Variants in ADAMTSL1 observed in about 807,000 individuals in gnomAD.
ADAMTSL1 encodes ADAMTS like 1.
A neutral mutation model predicts 201.8 loss-of-function variants in ADAMTSL1; 126 were observed. The observed-to-expected ratio is 0.62, with a 90% confidence interval of 0.54 to 0.72. ADAMTSL1 has a LOEUF of 0.72. Among genes scored for constraint, ADAMTSL1 ranks in the 30% least tolerant of loss-of-function variants. The pLI, the probability that ADAMTSL1 is intolerant of heterozygous loss-of-function variation, is 0.00. For synonymous variants in ADAMTSL1, 1,121 were observed against 903.4 expected, an observed-to-expected ratio of 1.24 and a Z score of -4.32; for missense variants, 2,679 against 2,277.8, an observed-to-expected ratio of 1.18 and a Z score of -3.59.
intron 7 of ADAMTSL1, among the ~76,000 whole-genome samples, chr9:18,641,051 A>G (rs1564110203): frequency 6.6e-6 from 1 of 151,830 alleles, no homozygotes; most frequent in East Asian, 1.9e-4. Context: ...CTCACCTTTG[A>G]CTTTTCCCCT....
intron 2 of ADAMTSL1, among the ~76,000 whole-genome samples, chr9:18,317,443 C>G (rs1053480039): frequency 6.6e-6 from 1 of 152,018 alleles, no homozygotes. Flanking sequence ...CAAATTTTAA[C>G]TAAGTTTGGT....
chr9:17,914,319 C>T (rs1826002278), intron 1 of ADAMTSL1, among the ~76,000 whole-genome samples: 2 of 152,062 alleles, frequency 1.3e-5, no homozygotes, highest in Non-Finnish European at 2.9e-5. Flanking sequence ...AAAGCTTATC[C>T]ACCATGATCA....
intron 2 of ADAMTSL1, among the ~76,000 whole-genome samples, chr9:18,398,826 GTTCA>G (rs1185498265): frequency 6.6e-6 from 1 of 152,074 alleles, no homozygotes; most frequent in Non-Finnish European, 1.5e-5. Context: ...TCAATAAAAA[GTTCA>G]TTCATTTATT....
At chr9:17,929,438 C>T (rs1826690160) in intron 1 of ADAMTSL1, among the ~76,000 whole-genome samples, 1 of 152,098 alleles carries the variant, frequency 6.6e-6, no homozygotes. Context: ...AGAATGCATG[C>T]TTCCGAATAA....
At chr9:18,413,580 A>G (rs560193374) in intron 2 of ADAMTSL1, among the ~76,000 whole-genome samples, 15 of 152,338 alleles carry the variant, frequency 9.8e-5, no homozygotes, top group African/African-American at 1.4e-4. Flanking sequence ...AATATTTTCC[A>G]TAGCATTTTA....
chr9:18,235,371 T>C lies in ADAMTSL1; in HGVS notation c.207+71390T>C, dbSNP rs369662328. Among the ~76,000 whole-genome samples, 5 of 152,204 alleles carry C rather than the reference T, an allele frequency of 3.3e-5. No homozygotes were observed. The East Asian group carries it at 9.6e-4, about 29-fold the overall frequency. ...TCACATCAAAGGTACCTGCTATCAATACGACTCATCATAGATGATGTCAAG... is the reference window on the plus strand; with the variant it reads ...TCACATCAAAGGTACCTGCTATCAACACGACTCATCATAGATGATGTCAAG... On this transcript the variant is annotated intron_variant, in intron 2 of 29. Transcript: ENST00000680146.
At chr9:18,378,940 A>G (rs570951051) in intron 2 of ADAMTSL1, among the ~76,000 whole-genome samples, 32 of 152,352 alleles carry the variant, frequency 2.1e-4, no homozygotes, top group Admixed American at 3.3e-4. Context: ...CAGATGAAGA[A>G]TTAGCTTTGG....
intron 23 of ADAMTSL1, among the ~76,000 whole-genome samples, chr9:18,840,928 G>A (rs563005529): frequency 1.4e-5 from 2 of 148,070 alleles, no homozygotes; most frequent in Non-Finnish European, 3.0e-5. Flanking sequence ...AGCTTAAGGA[G>A]ATTTTGGGCT....
chr9:18,522,081 T>A (rs1228897945), intron 2 of ADAMTSL1, among the ~76,000 whole-genome samples: 1 of 152,186 alleles, frequency 6.6e-6, no homozygotes, highest in African/African-American at 2.4e-5. Context: ...TCAAGTTGAC[T>A]GGTATCAAGT....
intron 2 of ADAMTSL1, among the ~76,000 whole-genome samples, chr9:18,317,380 C>G (rs576196900): frequency 4.3e-5 from 6 of 138,210 alleles, no homozygotes; most frequent in Admixed American, 7.9e-5. Context: ...GAAAGTGTAT[C>G]TTAAGTGTCC....
At chr9:18,602,085 A>G (rs1030600016) in intron 4 of ADAMTSL1, among the ~76,000 whole-genome samples, 2 of 152,212 alleles carry the variant, frequency 1.3e-5, no homozygotes, top group African/African-American at 4.8e-5. Flanking sequence ...TGCATAAGAA[A>G]TGTCTTCCTA....
intron 2 of ADAMTSL1, among the ~76,000 whole-genome samples, chr9:18,517,924 G>A (rs1818461693): frequency 6.6e-6 from 1 of 152,040 alleles, no homozygotes; most frequent in African/African-American, 2.4e-5. Context: ...TTCATGGCCT[G>A]GAGTTATCTT....
At chr9:18,473,888 T>G (rs1365142354), upstream of ADAMTSL1, 1 of 322,908 alleles carries the variant, frequency 3.1e-6, no homozygotes, top group South Asian at 5.7e-5. Context: ...TTCTGCATCT[T>G]TTGCATTTCC....
At chr9:17,934,300 C>G (rs1277271847) in intron 1 of ADAMTSL1, among the ~76,000 whole-genome samples, 1 of 152,140 alleles carries the variant, frequency 6.6e-6, no homozygotes, top group Non-Finnish European at 1.5e-5. Context: ...AATTCACTTC[C>G]TCTAGAATTT....
intron 1 of ADAMTSL1, among the ~76,000 whole-genome samples, chr9:18,108,196 ATTTTTT>A (rs5896770): frequency 5.3e-4 from 67 of 125,546 alleles, no homozygotes; most frequent in South Asian, 2.4e-3. Flanking sequence ...AGAGTGTGGA[ATTTTTT>A]TTTTTTTTTT....
chr9:18,097,043 C>T lies in ADAMTSL1; in HGVS notation c.88-66819C>T, dbSNP rs145472500. Among the ~76,000 whole-genome samples, 819 of 152,200 alleles carry T rather than the reference C, an allele frequency of 5.4e-3. 7 individuals carry two copies. The highest frequency in any genetic ancestry group is 0.019 in the African/African-American group (776 of 41,532). On this transcript the variant is annotated intron_variant, in intron 1 of 29. Transcript: ENST00000680146. The stretch of plus-strand genomic sequence containing the variant: ...TCAGATATACTGTCAAGATACATGG[C>T]GGTTCCATCATCAAAATACAGTCCC...
At chr9:18,575,726 A>G (rs1388307947) in intron 4 of ADAMTSL1, among the ~76,000 whole-genome samples, 6 of 152,196 alleles carry the variant, frequency 3.9e-5, no homozygotes, top group Non-Finnish European at 8.8e-5. Context: ...TTAGAAGTGA[A>G]AAAACTGAGG....
intron 14 of ADAMTSL1, among the ~76,000 whole-genome samples, chr9:18,716,216 C>G (rs1046534952): frequency 7.2e-5 from 11 of 152,182 alleles, no homozygotes; most frequent in African/African-American, 2.7e-4. Context: ...GCAATGGCAA[C>G]AAAAGCCAGA....
chr9:18,166,226 G>C (rs1270524060), intron 2 of ADAMTSL1, among the ~76,000 whole-genome samples: 1 of 151,892 alleles, frequency 6.6e-6, no homozygotes, highest in Admixed American at 6.6e-5. Context: ...TTGATTCTCA[G>C]GTCCCTAGGA....
Sources: gnomAD v4.1 joint callset for allele counts (sites outside exome capture counted in the v4.1 genomes callset) on GRCh38, gnomAD v4.1.1 for gene constraint, MANE v1.5 for transcripts, NCBI Gene and HGNC (gene_info 2026-07-23, HGNC 2026-07-21) for gene names.